Variants in REC114 observed in about 807,000 individuals in gnomAD.
REC114 encodes meiotic recombination protein REC114.
A neutral mutation model predicts 31.3 loss-of-function variants in REC114; 27 were observed. That is an observed-to-expected ratio of 0.86 (90% CI 0.64 to 1.19). REC114 has a LOEUF of 1.19. Among genes scored for constraint, REC114 ranks in the 50% most tolerant of loss-of-function variants. The pLI is 0.00. For missense variants in REC114, 344 were observed against 326.9 expected (o/e 1.05, Z -0.40); for synonymous variants, 134 against 127.7 (o/e 1.05, Z -0.33).
At position 73,554,866 on chromosome 15, in the gene REC114, G is replaced by T. The variant is rs144037640; in HGVS notation, c.547-1436G>T. ...ATTAGTTCTTTGTGTGAGCTGAAAT[G>T]ATAGGTATTCTAGGAAAGCATCATA... is the stretch of plus-strand genomic sequence containing the variant. On this transcript the variant is annotated intron_variant, in intron 4 of 5. Transcript: ENST00000331090. Among the ~76,000 whole-genome samples, 23 of 152,300 alleles carry T rather than the reference G, an allele frequency of 1.5e-4. No homozygotes were observed. The East Asian group carries it at 3.9e-3, about 26-fold the overall frequency.
chr15:73,494,342 A>G (rs1893486539), intron 2 of REC114, among the ~76,000 whole-genome samples: 1 of 152,072 alleles, frequency 6.6e-6, no homozygotes, highest in African/African-American at 2.4e-5. Context: ...TAATACAAAA[A>G]TTAACTAGGT....
intron 1 of REC114, among the ~76,000 whole-genome samples, chr15:73,458,608 A>G (rs1168172799): frequency 6.6e-6 from 1 of 152,246 alleles, no homozygotes; most frequent in Non-Finnish European, 1.5e-5. Flanking sequence ...CTATAGTGAT[A>G]GGTACTGAGG....
rs564391904 is a variant in REC114 at position 73,445,248 on chromosome 15, C to T, written c.159+1904C>T. On this transcript the variant is annotated intron_variant, in intron 1 of 5. Coordinates refer to ENST00000331090, the MANE Select transcript of REC114 (RefSeq NM_001042367.2). Reference sequence around the variant, plus strand: ...GCTTTGAAGCCAGGCATTGACTTCTCCTCTTTAGCTATGAACGTCCTAGAT... The same window carrying T: ...GCTTTGAAGCCAGGCATTGACTTCTTCTCTTTAGCTATGAACGTCCTAGAT... 2.0e-5 allele frequency among the ~76,000 whole-genome samples: 3 copies of T among 152,274 alleles called. No individual in the cohort carries two copies. In the East Asian group the frequency reaches 5.8e-4, roughly 29 times the overall value.
At chr15:73,543,867 AG>A (rs1894273611) in intron 3 of REC114, among the ~76,000 whole-genome samples, 1 of 149,298 alleles carries the variant, frequency 6.7e-6, no homozygotes, top group Non-Finnish European at 1.5e-5. Context: ...ATAGGGTTAT[AG>A]TATCTTTGAC....
At position 73,556,347 on chromosome 15, in the gene REC114, A is replaced by C; in HGVS notation, c.592A>C (p.Thr198Pro). ...EQQQVCVTAG[T>P]GAPDGRTSLT... ...ACAGCAAGTGTGTGTAACAGCGGGC[A>C]CAGGCGCTCCAGACGGAAGGACCTC... Residue 198 changes from threonine to proline, a missense_variant, in exon 5 of 6, where the codon ACA becomes CCA. Physicochemically the swap from Thr to Pro is conservative, Grantham distance 38 (BLOSUM62 -1). Coordinates refer to ENST00000331090, the MANE Select transcript of REC114 (RefSeq NM_001042367.2). 6.2e-7 allele frequency: 1 copy of C among 1,613,828 alleles called. No homozygotes were observed. The highest frequency in any genetic ancestry group is 8.5e-7 in the Non-Finnish European group (1 of 1,179,772).
chr15:73,513,002 A>G (rs1334242752), intron 2 of REC114, among the ~76,000 whole-genome samples: 2 of 151,048 alleles, frequency 1.3e-5, no homozygotes, highest in East Asian at 3.9e-4. Flanking sequence ...GCCTTGCTAG[A>G]TTGGGGAAGT....
intron 1 of REC114, among the ~76,000 whole-genome samples, chr15:73,446,968 A>G (rs1402305841): frequency 6.6e-6 from 1 of 152,208 alleles, no homozygotes; most frequent in African/African-American, 2.4e-5. Flanking sequence ...TAGGCAAGAG[A>G]TGATGATGGC....
At chr15:73,521,890 G>A (rs1318288527) in intron 2 of REC114, among the ~76,000 whole-genome samples, 2 of 152,090 alleles carry the variant, frequency 1.3e-5, no homozygotes, top group African/African-American at 2.4e-5. Flanking sequence ...AGATGTTTAA[G>A]GAAGAACTCA....
intron 2 of REC114, among the ~76,000 whole-genome samples, chr15:73,506,798 G>C (rs976065744): frequency 3.9e-5 from 6 of 152,136 alleles, no homozygotes; most frequent in African/African-American, 1.4e-4. Context: ...TCTGAGAGAA[G>C]GTACTTGTAT....
At chr15:73,535,662 T>C (rs550366317) in intron 2 of REC114, among the ~76,000 whole-genome samples, 226 of 143,946 alleles carry the variant, frequency 1.6e-3, no homozygotes, top group African/African-American at 5.7e-3. Flanking sequence ...CTTCACAGAA[T>C]TGGAAAAAAC....
Position 73,460,292 on chromosome 15 carries a change from T to C in REC114, c.160-13540T>C, listed in dbSNP as rs570218700. 2.0e-5 allele frequency among the ~76,000 whole-genome samples: 3 copies of C among 152,266 alleles called. No individual in the cohort carries two copies. The South Asian group carries it at 6.2e-4, about 32-fold the overall frequency. The stretch of plus-strand genomic sequence containing the variant: ...TAGTGGTTTAAGGAGTCTAAGAAGT[T>C]ACAGTTTAGAATGAGGCCCAAGAGT... On this transcript the variant is annotated intron_variant, in intron 1 of 5. Transcript: ENST00000331090.
intron 2 of REC114, among the ~76,000 whole-genome samples, chr15:73,507,072 T>A (rs1893689204): frequency 6.6e-6 from 1 of 152,024 alleles, no homozygotes; most frequent in South Asian, 2.1e-4. Context: ...CATAAAGTTT[T>A]AAAAAAAGAC....
At chr15:73,508,220 T>G (rs1395123696) in intron 2 of REC114, among the ~76,000 whole-genome samples, 1 of 152,192 alleles carries the variant, frequency 6.6e-6, no homozygotes, top group African/African-American at 2.4e-5. Context: ...AAATAGATAG[T>G]AATCAAAGGC....
chr15:73,509,411 A>T (rs1237157696), intron 2 of REC114, among the ~76,000 whole-genome samples: 1 of 150,504 alleles, frequency 6.6e-6, no homozygotes, highest in Admixed American at 6.6e-5. Flanking sequence ...CTCTGATGGT[A>T]GTTTCTTTTG....
At chr15:73,449,523 G>A (rs1206666247) in intron 1 of REC114, among the ~76,000 whole-genome samples, 1 of 152,180 alleles carries the variant, frequency 6.6e-6, no homozygotes, top group Non-Finnish European at 1.5e-5. Flanking sequence ...TGTATGATTG[G>A]TGTACCTGAA....
intron 2 of REC114, among the ~76,000 whole-genome samples, chr15:73,481,956 G>C (rs929034139): frequency 2.0e-5 from 3 of 152,040 alleles, no homozygotes. Flanking sequence ...ACTGCGCCTG[G>C]CCTATCTTAA....
intron 2 of REC114, among the ~76,000 whole-genome samples, chr15:73,505,079 T>C (rs1249624550): frequency 6.6e-6 from 1 of 152,096 alleles, no homozygotes; most frequent in East Asian, 1.9e-4. Context: ...TGTACATGTT[T>C]CTGTTTATCT....
chr15:73,495,910 G>C (rs1445383888), intron 2 of REC114, among the ~76,000 whole-genome samples: 1 of 151,964 alleles, frequency 6.6e-6, no homozygotes, highest in African/African-American at 2.4e-5. Context: ...TTTAATATTT[G>C]GGAATATTTA....
At chr15:73,497,345 C>A (rs1893542578) in intron 2 of REC114, among the ~76,000 whole-genome samples, 1 of 152,126 alleles carries the variant, frequency 6.6e-6, no homozygotes, top group African/African-American at 2.4e-5. Flanking sequence ...AAAGGGCTGT[C>A]CCTTTTCCCT....
Sources: allele counts gnomAD v4.1 joint callset (sites outside exome capture counted in the v4.1 genomes callset), GRCh38; gene constraint gnomAD v4.1.1; transcripts MANE v1.5; gene names NCBI Gene and HGNC (gene_info 2026-07-23, HGNC 2026-07-21).